DGKI: variants seen among roughly 807,000 people sequenced by gnomAD.
DGKI encodes diacylglycerol kinase iota, also known as DAG kinase iota.
Under a neutral mutation model 147.5 loss-of-function variants are expected in DGKI, and 55 were observed. The ratio of observed to expected loss-of-function variants is 0.37; its 90% CI spans 0.30 to 0.47. The LOEUF (loss-of-function observed/expected upper bound fraction) is 0.47, where lower values mean the gene tolerates loss of function less well. DGKI is among the 20% of genes least tolerant of loss of function. The pLI is 1.00. For missense variants in DGKI, 1,007 were observed against 1,323.8 expected (o/e 0.76, Z 3.71); for synonymous variants, 469 against 477.1 (o/e 0.98, Z 0.22).
In DGKI at chr7:137,466,928, G is replaced by A. The variant is rs751153088; in HGVS notation, c.2458C>T (p.Arg820Cys). ...TGAGATCTGTCTATTCGATAAAAGC[G>A]ATCAGCAGAAGTTGCTAGGGGAAAA... The part of the protein sequence containing the change: ...WCFLDATSAD[R>C]FYRIDRSQEH... Residue 820 changes from arginine to cysteine, a missense_variant, in exon 25 of 33, where the codon CGC becomes TGC. This residue lies in a region of DGKI where 385 missense variants were observed against 445.2 expected (regional missense o/e 0.86). Transcript: ENST00000614521. 201 of 1,613,972 alleles carry A rather than the reference G, an allele frequency of 1.2e-4. No individual in the cohort carries two copies. Among genetic ancestry groups the A allele is most frequent in the Non-Finnish European group, 1.6e-4 (190 of 1,180,016 alleles).
chr7:137,835,518 A>G (rs1221825802), intron 1 of DGKI, among the ~76,000 whole-genome samples: 1 of 152,200 alleles, frequency 6.6e-6, no homozygotes, highest in Non-Finnish European at 1.5e-5. Context: ...TCTCCTTTAC[A>G]ATGAAATGGC....
At chr7:137,534,181 G>A (rs968247474) in intron 20 of DGKI, among the ~76,000 whole-genome samples, 10 of 152,036 alleles carry the variant, frequency 6.6e-5, no homozygotes, top group Non-Finnish European at 4.4e-5. Flanking sequence ...CGCTCAAAAC[G>A]AACATCTAGG....
At position 137,571,243 on chromosome 7, in the gene DGKI, G is replaced by A. The variant is rs765405195; in HGVS notation, c.1879C>T (p.His627Tyr). The A allele has an allele frequency of 3.1e-6, 5 of 1,613,060 alleles. No individual in the cohort carries two copies. In the East Asian group the frequency reaches 6.7e-5, roughly 22 times the overall value. The stretch of plus-strand genomic sequence containing the variant: ...TCATGACGCTGAGGTTCGAAATCAT[G>A]GTGATCACCTGGGTTTCCCCAGGGC... ...TMPWGNPGDH[H>Y]DFEPQRHDDG... is the part of the protein sequence containing the mutation. The change falls in exon 19 of 33, where the codon CAT becomes TAT. Residue 627 changes from histidine (H) to tyrosine (Y), a missense_variant. Physicochemically the swap from His to Tyr is moderately conservative, Grantham distance 83. Around this residue, in one of 5 missense-constraint regions of DGKI, gnomAD observed 224 missense variants for 382.7 expected, o/e 0.59. Coordinates refer to ENST00000614521, the MANE Select transcript of DGKI (RefSeq NM_001321708.2).
intron 28 of DGKI, among the ~76,000 whole-genome samples, chr7:137,416,223 G>T (rs902369958): frequency 5.3e-5 from 8 of 152,036 alleles, no homozygotes; most frequent in African/African-American, 1.9e-4. Context: ...AACTCCCCAG[G>T]ACAAAGGCTA....
chr7:137,631,106 T>C (rs1035724553), intron 6 of DGKI, among the ~76,000 whole-genome samples: 2 of 152,232 alleles, frequency 1.3e-5, no homozygotes, highest in African/African-American at 4.8e-5. Flanking sequence ...TTGCCGATGG[T>C]GTGACATTAC....
At chr7:137,776,457 C>A (rs1796363755) in intron 1 of DGKI, among the ~76,000 whole-genome samples, 1 of 152,146 alleles carries the variant, frequency 6.6e-6, no homozygotes, top group Non-Finnish European at 1.5e-5. Context: ...TTTTATATTA[C>A]CATGCAGTGG....
chr7:137,538,349 A>G (rs1817584556), intron 20 of DGKI, among the ~76,000 whole-genome samples: 1 of 152,324 alleles, frequency 6.6e-6, no homozygotes, highest in East Asian at 1.9e-4. Context: ...ATTTACTTTC[A>G]TCCTTACCAA....
intron 1 of DGKI, among the ~76,000 whole-genome samples, chr7:137,737,416 TA>T (rs1319035635): frequency 1.3e-5 from 2 of 151,934 alleles, no homozygotes; most frequent in Non-Finnish European, 2.9e-5. Flanking sequence ...TCCATGCATT[TA>T]AGGAATTAAT....
chr7:137,761,692 T>C (rs1457004282), intron 1 of DGKI, among the ~76,000 whole-genome samples: 6 of 152,136 alleles, frequency 3.9e-5, no homozygotes, highest in African/African-American at 1.2e-4. Flanking sequence ...GGACCATCTG[T>C]TCCTCTCAAC....
intron 1 of DGKI, among the ~76,000 whole-genome samples, chr7:137,826,230 T>C (rs919001101): frequency 2.0e-5 from 3 of 152,196 alleles, no homozygotes; most frequent in African/African-American, 7.2e-5. Context: ...TTCCATTATA[T>C]GAGAAGAAAG....
At chr7:137,535,776 T>C (rs999844940) in intron 20 of DGKI, among the ~76,000 whole-genome samples, 13 of 152,126 alleles carry the variant, frequency 8.5e-5, no homozygotes, top group African/African-American at 3.1e-4. Context: ...GTATTGCGCC[T>C]TTACATAAGT....
At chr7:137,650,403 C>T (rs1268400736) in intron 5 of DGKI, among the ~76,000 whole-genome samples, 1 of 152,110 alleles carries the variant, frequency 6.6e-6, no homozygotes, top group African/African-American at 2.4e-5. Context: ...GAACAAGACA[C>T]TTTGATAAAG....
intron 27 of DGKI, among the ~76,000 whole-genome samples, chr7:137,446,212 A>G (rs1813709274): frequency 6.6e-6 from 1 of 152,230 alleles, no homozygotes; most frequent in Admixed American, 6.5e-5. Context: ...ATTAAATCTG[A>G]AAAATTCCAG....
rs116569553 is a variant in DGKI, at chr7:137,746,304, T to C, written c.402-56302A>G. On this transcript the variant is annotated intron_variant, in intron 1 of 32. Transcript: ENST00000614521. ...ATCAAGAGAGAGGTAAAGCCCTATT[T>C]TCCCTCATCAACTGCTGGAAGAAAA... Among the ~76,000 whole-genome samples the C allele has an allele frequency of 2.9e-3, 441 of 152,330 alleles. 1 individual carries two copies. The highest frequency in any genetic ancestry group is 0.01 in the African/African-American group (428 of 41,574).
At chr7:137,432,160 A>G (rs1284453204) in intron 28 of DGKI, among the ~76,000 whole-genome samples, 2 of 152,134 alleles carry the variant, frequency 1.3e-5, no homozygotes, top group African/African-American at 4.8e-5. Context: ...AGGCCTCCCC[A>G]TCGATGCGTC....
chr7:137,650,298 C>A (rs1432865152), intron 5 of DGKI, among the ~76,000 whole-genome samples: 1 of 152,048 alleles, frequency 6.6e-6, no homozygotes, highest in African/African-American at 2.4e-5. Flanking sequence ...GGAGTGATCT[C>A]CCAAAATTTA....
chr7:137,544,009 A>G (rs966924442), intron 20 of DGKI, among the ~76,000 whole-genome samples: 4 of 152,204 alleles, frequency 2.6e-5, no homozygotes, highest in African/African-American at 9.6e-5. Flanking sequence ...GTAATATTCA[A>G]TATATATCAT....
Position 137,587,105 on chromosome 7 carries a change from A to G in DGKI, c.1417T>C (p.Trp473Arg). 6.2e-7 allele frequency: 1 copy of G among 1,601,542 alleles called. No individual in the cohort carries two copies. The highest frequency in any genetic ancestry group is 8.5e-7 in the Non-Finnish European group (1 of 1,175,958). ...CCGAGAGCAGTTCTTACCCCTCCCC[A>G]GTTGAGAGTTCGAGCCAGGTCATTC... ...TGNDLARTLNWGGGYTDEPVS... is the reference protein window; with the variant it reads ...TGNDLARTLNRGGGYTDEPVS... The change falls in exon 13 of 33, where the codon TGG becomes CGG. Residue 473 changes from tryptophan to arginine, a missense_variant. Around this residue, in one of 5 missense-constraint regions of DGKI, gnomAD observed 224 missense variants for 382.7 expected, o/e 0.59. Coordinates refer to ENST00000614521, the MANE Select transcript of DGKI (RefSeq NM_001321708.2).
At chr7:137,606,532 G>T (rs748175326) in intron 10 of DGKI, among the ~76,000 whole-genome samples, 1 of 152,154 alleles carries the variant, frequency 6.6e-6, no homozygotes. Context: ...AGCTTATTAC[G>T]AATGCAGCAT....
Sources: gnomAD v4.1 joint callset for allele counts (sites outside exome capture counted in the v4.1 genomes callset) on GRCh38, gnomAD v4.1.1 for gene constraint, gnomAD v4.1.1 regional missense constraint, MANE v1.5 for transcripts, NCBI Gene and HGNC (gene_info 2026-07-23, HGNC 2026-07-21) for gene names.